The following ST6GAL1 variants were observed in gnomAD, a reference collection of about 807,000 sequenced individuals.
ST6GAL1 encodes the protein ST6 beta-galactoside alpha-2,6-sialyltransferase 1.
In ST6GAL1, 20 loss-of-function variants were observed where a neutral mutation model predicts 38.0. That is an observed-to-expected ratio of 0.53 (90% CI 0.37 to 0.77). The LOEUF (loss-of-function observed/expected upper bound fraction) is 0.77. ST6GAL1 is among the 30% of genes least tolerant of loss of function. The probability of loss-of-function intolerance (pLI) is 0.00; values close to 1 mark genes in which losing one functional copy is unlikely to be tolerated. For synonymous variants in ST6GAL1, 196 were observed against 188.2 expected (o/e 1.04, Z -0.34); for missense variants, 432 against 496.4 (o/e 0.87, Z 1.23).
At chr3:186,954,628 A>G (rs975399070) in intron 1 of ST6GAL1, among the ~76,000 whole-genome samples, 1 of 150,874 alleles carries the variant, frequency 6.6e-6, no homozygotes, top group African/African-American at 2.4e-5. Flanking sequence ...TAAATGTCTT[A>G]TTTTGAGAAA....
intron 2 of ST6GAL1, among the ~76,000 whole-genome samples, chr3:186,968,065 C>G (rs980523601): frequency 1.3e-5 from 2 of 152,176 alleles, no homozygotes; most frequent in African/African-American, 4.8e-5. Flanking sequence ...TCTTTGAGGT[C>G]TTGCTTAGGC....
chr3:187,012,735 G>T (rs989104138), intron 2 of ST6GAL1, among the ~76,000 whole-genome samples: 1 of 152,204 alleles, frequency 6.6e-6, no homozygotes, highest in Non-Finnish European at 1.5e-5. Context: ...CAGCCTGCCT[G>T]TGATTTCTCT....
chr3:186,948,927 T>A (rs1714481377), intron 1 of ST6GAL1: 1 of 152,264 alleles, frequency 6.6e-6, no homozygotes, highest in African/African-American at 2.4e-5. Context: ...ATGCTCCTGT[T>A]TGTCCACTGA....
intron 2 of ST6GAL1, among the ~76,000 whole-genome samples, chr3:186,987,204 G>A (rs753523664): frequency 1.3e-5 from 2 of 150,386 alleles, no homozygotes; most frequent in East Asian, 1.9e-4. Flanking sequence ...GGGAGGGAAG[G>A]AAAGAAAAGG....
intron 1 of ST6GAL1, among the ~76,000 whole-genome samples, chr3:186,940,941 T>C (rs549020698): frequency 6.6e-6 from 1 of 152,292 alleles, no homozygotes; most frequent in African/African-American, 2.4e-5. Flanking sequence ...TAAATGTCAG[T>C]GGGTTAAATG....
At chr3:186,981,560 A>G (rs1286268114) in intron 2 of ST6GAL1, among the ~76,000 whole-genome samples, 2 of 152,212 alleles carry the variant, frequency 1.3e-5, no homozygotes, top group Non-Finnish European at 2.9e-5. Context: ...CATGCCACCA[A>G]TACACTAAGG....
chr3:187,029,435 CAT>C (rs1156648053), intron 2 of ST6GAL1, among the ~76,000 whole-genome samples: 1 of 151,936 alleles, frequency 6.6e-6, no homozygotes, highest in Non-Finnish European at 1.5e-5. Flanking sequence ...GGCATATGGA[CAT>C]AAATGCAGAT....
chr3:186,980,309 C>T (rs544209910), intron 2 of ST6GAL1, among the ~76,000 whole-genome samples: 2 of 152,252 alleles, frequency 1.3e-5, no homozygotes, highest in Admixed American at 6.5e-5. Flanking sequence ...GTTTAAGAAA[C>T]GCTATATTGT....
intron 1 of ST6GAL1, among the ~76,000 whole-genome samples, chr3:186,939,601 A>G (rs1714090158): frequency 6.6e-6 from 1 of 152,262 alleles, no homozygotes. Flanking sequence ...TGACAGCTCA[A>G]GTGGCTCAAT....
At chr3:186,977,082 C>T (rs1366799210) in intron 2 of ST6GAL1, among the ~76,000 whole-genome samples, 1 of 152,166 alleles carries the variant, frequency 6.6e-6, no homozygotes, top group African/African-American at 2.4e-5. Flanking sequence ...TGTTTATTGG[C>T]TATTGCTGAG....
chr3:187,050,632 G>A (rs531221776), intron 4 of ST6GAL1, among the ~76,000 whole-genome samples: 81 of 151,890 alleles, frequency 5.3e-4, no homozygotes, highest in Non-Finnish European at 1.0e-3. Context: ...AAGAGAGAGA[G>A]GAAGGAAGTT....
At chr3:187,045,570 G>A (rs1718266681) in intron 4 of ST6GAL1, among the ~76,000 whole-genome samples, 1 of 152,170 alleles carries the variant, frequency 6.6e-6, no homozygotes, top group Admixed American at 6.5e-5. Flanking sequence ...AGTCCTGTGA[G>A]GTTGATAAGA....
intron 4 of ST6GAL1, among the ~76,000 whole-genome samples, chr3:187,046,907 T>G (rs1718315821): frequency 6.6e-6 from 1 of 152,224 alleles, no homozygotes; most frequent in African/African-American, 2.4e-5. Context: ...AAACTTTATT[T>G]ACAAAATGAG....
chr3:186,939,682 G>A (rs909161224), intron 1 of ST6GAL1, among the ~76,000 whole-genome samples: 34 of 152,292 alleles, frequency 2.2e-4, no homozygotes, highest in African/African-American at 7.9e-4. Context: ...ATGCAGTTTA[G>A]GTCCCTGACT....
intron 2 of ST6GAL1, among the ~76,000 whole-genome samples, chr3:186,971,699 T>C (rs137925287): frequency 6.9e-4 from 105 of 152,320 alleles, no homozygotes; most frequent in African/African-American, 2.2e-3. Context: ...TTTATAGAGC[T>C]GTGTATTTTT....
intron 5 of ST6GAL1, among the ~76,000 whole-genome samples, chr3:187,052,832 C>T (rs994557295): frequency 9.9e-5 from 15 of 152,192 alleles, no homozygotes; most frequent in African/African-American, 3.4e-4. Context: ...ATGGCTGAGT[C>T]AAATGGTATT....
chr3:187,062,226 T>C (rs1579374072), intron 5 of ST6GAL1, among the ~76,000 whole-genome samples: 1 of 152,152 alleles, frequency 6.6e-6, no homozygotes, highest in Non-Finnish European at 1.5e-5. Flanking sequence ...CCGTGGGCAC[T>C]GTTGATGGGA....
At chr3:186,958,660 G>T (rs542504901) in intron 1 of ST6GAL1, among the ~76,000 whole-genome samples, 130 of 152,184 alleles carry the variant, frequency 8.5e-4, no homozygotes, top group African/African-American at 2.9e-3. Flanking sequence ...ATTTAAAAAA[G>T]GGCTCAATGT....
intron 1 of ST6GAL1, among the ~76,000 whole-genome samples, chr3:186,947,823 A>C (rs1344476287): frequency 6.6e-6 from 1 of 152,216 alleles, no homozygotes; most frequent in Non-Finnish European, 1.5e-5. Context: ...AGTTTGAAAG[A>C]GGCACACAGA....
Sources: gnomAD v4.1 joint callset for allele counts (sites outside exome capture counted in the v4.1 genomes callset) on GRCh38, gnomAD v4.1.1 for gene constraint, MANE v1.5 for transcripts, NCBI Gene and HGNC (gene_info 2026-07-23, HGNC 2026-07-21) for gene names.